STK3: variants seen among roughly 807,000 people sequenced by gnomAD.
STK3 encodes serine/threonine kinase 3.
A neutral mutation model predicts 58.0 loss-of-function variants in STK3; 41 were observed. The observed-to-expected ratio is 0.71, with a 90% CI of 0.55 to 0.92. STK3 has a LOEUF of 0.92. Among genes scored for constraint, STK3 ranks in the 40% least tolerant of loss-of-function variants. The pLI, the probability that STK3 is intolerant of heterozygous loss-of-function variation, is 0.00. For synonymous variants in STK3, 170 were observed against 191.0 expected, an observed-to-expected ratio of 0.89 and a Z score of 0.91; for missense variants, 479 against 602.7, an observed-to-expected ratio of 0.79 and a Z score of 2.15.
intron 8 of STK3, among the ~76,000 whole-genome samples, chr8:98,554,548 GGATT>G (rs1162648352): frequency 7.9e-5 from 12 of 152,040 alleles, no homozygotes; most frequent in African/African-American, 2.9e-4. Flanking sequence ...AGTTTGGAAG[GGATT>G]GATCTTACTG....
At chr8:98,907,217 A>G (rs1344327088) in intron 1 of STK3, among the ~76,000 whole-genome samples, 2 of 152,076 alleles carry the variant, frequency 1.3e-5, no homozygotes, top group African/African-American at 4.8e-5. Flanking sequence ...AGAAGTATAT[A>G]GAAATCTCAA....
intron 1 of STK3, among the ~76,000 whole-genome samples, chr8:98,885,266 C>T (rs183446876): frequency 6.6e-6 from 1 of 152,258 alleles, no homozygotes; most frequent in African/African-American, 2.4e-5. Flanking sequence ...CAAGAGGGCA[C>T]AATTTATGTT....
intron 9 of STK3, among the ~76,000 whole-genome samples, chr8:98,540,725 T>C (rs565432842): frequency 6.6e-6 from 1 of 152,004 alleles, no homozygotes; most frequent in African/African-American, 2.4e-5. Flanking sequence ...GCTAGAGAGC[T>C]GAACACCACA....
intron 8 of STK3, among the ~76,000 whole-genome samples, chr8:98,559,888 G>C (rs1427543102): frequency 6.6e-6 from 1 of 151,952 alleles, no homozygotes; most frequent in Non-Finnish European, 1.5e-5. Context: ...TTTTGAATGA[G>C]GAAAAAGGGC....
At chr8:98,347,372 G>A in the STK3 span, among the ~76,000 whole-genome samples, 413 of 151,680 alleles carry the variant, frequency 2.7e-3, 7 homozygotes, top group African/African-American at 9.4e-3. Flanking sequence ...AAAATTAGCC[G>A]GGCGTGATGG....
At chr8:98,401,915 C>T (rs1477100270) in intron 3 of STK3, among the ~76,000 whole-genome samples, 2 of 152,050 alleles carry the variant, frequency 1.3e-5, no homozygotes, top group African/African-American at 2.4e-5. Context: ...TTCTTGTGCG[C>T]ATGCATTGTA....
chr8:98,348,214 G>C, the STK3 span, among the ~76,000 whole-genome samples: 1 of 152,170 alleles, frequency 6.6e-6, no homozygotes, highest in South Asian at 2.1e-4. Context: ...TATATAAAAA[G>C]ATGGAACTAG....
At chr8:98,470,450 A>G (rs1563635253) in intron 10 of STK3, among the ~76,000 whole-genome samples, 1 of 152,178 alleles carries the variant, frequency 6.6e-6, no homozygotes, top group African/African-American at 2.4e-5. Flanking sequence ...TTCTTTTCAC[A>G]GGGGTGTTCA....
At chr8:98,663,496 T>C (rs1394497531) in intron 6 of STK3, among the ~76,000 whole-genome samples, 1 of 152,182 alleles carries the variant, frequency 6.6e-6, no homozygotes, top group Non-Finnish European at 1.5e-5. Flanking sequence ...AGAAATACCA[T>C]TTGACCCAGC....
chr8:98,524,368 G>GT (rs1438316771), intron 10 of STK3, among the ~76,000 whole-genome samples: 1 of 152,072 alleles, frequency 6.6e-6, no homozygotes, highest in South Asian at 2.1e-4. Context: ...TTTAGGATGA[G>GT]TTTTTTTCTA....
At chr8:98,803,603 AAAAAAG>A (rs1466024731) in intron 1 of STK3, among the ~76,000 whole-genome samples, 62 of 131,390 alleles carry the variant, frequency 4.7e-4, no homozygotes, top group South Asian at 1.2e-3. Flanking sequence ...CAAAAAAAAA[AAAAAAG>A]AAAAAAAAAG....
intron 6 of STK3, among the ~76,000 whole-genome samples, chr8:98,694,001 G>C (rs1292765231): frequency 6.6e-6 from 1 of 151,874 alleles, no homozygotes; most frequent in African/African-American, 2.4e-5. Flanking sequence ...TCCTTTCTTT[G>C]TGAAAAAAGT....
chr8:98,935,275 A>G (rs1401786308), intron 1 of STK3, among the ~76,000 whole-genome samples: 2 of 152,232 alleles, frequency 1.3e-5, no homozygotes, highest in African/African-American at 4.8e-5. Context: ...GTGAAAACAC[A>G]TGATAGAATG....
chr8:98,447,019 T>C (rs987636733), intron 1 of STK3, among the ~76,000 whole-genome samples: 2 of 152,092 alleles, frequency 1.3e-5, no homozygotes, highest in African/African-American at 4.8e-5. Flanking sequence ...TTCTTGCTTA[T>C]AAGGGGGAGC....
At chr8:98,556,886 A>G (rs1157072849) in intron 8 of STK3, among the ~76,000 whole-genome samples, 2 of 152,142 alleles carry the variant, frequency 1.3e-5, no homozygotes, top group African/African-American at 4.8e-5. Context: ...GCAGTCAAAT[A>G]TAATGGATCA....
At chr8:98,450,521 A>T (rs1819151276), downstream of STK3, among the ~76,000 whole-genome samples, 1 of 152,230 alleles carries the variant, frequency 6.6e-6, no homozygotes, top group Non-Finnish European at 1.5e-5. Context: ...TTGAACCCAG[A>T]TCATTTAATT....
chr8:98,675,327 C>T (rs1823120176), intron 6 of STK3, among the ~76,000 whole-genome samples: 1 of 152,158 alleles, frequency 6.6e-6, no homozygotes, highest in African/African-American at 2.4e-5. Context: ...AATAAGTCAG[C>T]TAGCTTCCTG....
intron 1 of STK3, among the ~76,000 whole-genome samples, chr8:98,923,854 T>TGTGTGCGCGCGC (rs1491486943): frequency 1.8e-5 from 2 of 113,620 alleles, no homozygotes; most frequent in African/African-American, 6.8e-5. Flanking sequence ...TGTGTGTGTG[T>TGTGTGCGCGCGC]GCGCGCGCGC....
chr8:98,895,626 A>G (rs1434538677), intron 1 of STK3, among the ~76,000 whole-genome samples: 1 of 152,182 alleles, frequency 6.6e-6, no homozygotes, highest in Non-Finnish European at 1.5e-5. Context: ...TGATGGCTAC[A>G]GGCAGCCATC....
Sources: allele counts gnomAD v4.1 joint callset (sites outside exome capture counted in the v4.1 genomes callset), GRCh38; gene constraint gnomAD v4.1.1; transcripts MANE v1.5; gene names NCBI Gene and HGNC (gene_info 2026-07-23, HGNC 2026-07-21).